Variants in GRIK2 observed in about 807,000 individuals in gnomAD.
The protein encoded by GRIK2 is glutamate receptor ionotropic, kainate 2.
Under a neutral mutation model 100.3 loss-of-function variants are expected in GRIK2, and 32 were observed. The observed-to-expected ratio is 0.32, with a 90% CI of 0.24 to 0.43. GRIK2 has a LOEUF of 0.43. GRIK2 is among the 20% of genes least tolerant of loss of function. GRIK2 has a pLI of 1.00. For missense variants in GRIK2, 843 were observed against 1,114.9 expected, an observed-to-expected ratio of 0.76 and a Z score of 3.47; for synonymous variants, 417 against 389.4, an observed-to-expected ratio of 1.07 and a Z score of -0.83.
rs868710369 is a variant in GRIK2 at position 101,760,678 on chromosome 6, A to G, written c.952-38970A>G. Among the ~76,000 whole-genome samples the G allele has an allele frequency of 8.5e-3, 721 of 84,534 alleles. 45 individuals are homozygous for G. Among genetic ancestry groups the G allele is most frequent in the African/African-American group, 0.029 (437 of 14,970 alleles). 55.5% of individuals were successfully genotyped at this position (84,534 alleles called of 152,430 possible). On this transcript the variant is annotated intron_variant, in intron 7 of 16. Coordinates refer to ENST00000369134, the MANE Select transcript of GRIK2 (RefSeq NM_021956.5). ...TATGTTTAATTATATATAATTATAT[A>G]TTTAATTATATATAATTATATATAA...
chr6:101,860,992 C>T (rs890487278), intron 11 of GRIK2: 33 of 607,180 alleles, frequency 5.4e-5, no homozygotes, highest in African/African-American at 4.0e-4. Flanking sequence ...TTCCCATACT[C>T]GGTAGGGCTC....
chr6:101,464,497 C>CTTTCTTTTT (rs1771513927), intron 2 of GRIK2, among the ~76,000 whole-genome samples: 1 of 62,012 alleles, frequency 1.6e-5, no homozygotes, highest in African/African-American at 6.2e-5. Flanking sequence ...CTTTTTCTTT[C>CTTTCTTTTT]TTTTTTTTTT....
chr6:101,432,067 C>A (rs1423949380), intron 2 of GRIK2, among the ~76,000 whole-genome samples: 1 of 151,998 alleles, frequency 6.6e-6, no homozygotes, highest in African/African-American at 2.4e-5. Flanking sequence ...AATTAAGAAC[C>A]CTGTGGCTAT....
At chr6:101,979,856 G>A (rs991725246) in intron 14 of GRIK2, among the ~76,000 whole-genome samples, 2 of 152,034 alleles carry the variant, frequency 1.3e-5, no homozygotes, top group East Asian at 2.0e-4. Flanking sequence ...AGCAGCGAGC[G>A]CTTAGTCTCT....
At chr6:101,944,100 A>G (rs1485266269) in intron 14 of GRIK2, among the ~76,000 whole-genome samples, 1 of 152,000 alleles carries the variant, frequency 6.6e-6, no homozygotes, top group Non-Finnish European at 1.5e-5. Flanking sequence ...GAGATCTGAT[A>G]ATTTTAAAGT....
At chr6:101,833,945 A>G (rs999809473) in intron 10 of GRIK2, among the ~76,000 whole-genome samples, 2 of 152,066 alleles carry the variant, frequency 1.3e-5, no homozygotes, top group Non-Finnish European at 2.9e-5. Flanking sequence ...CAGTTTTTGG[A>G]TTATGAGGTT....
intron 7 of GRIK2, among the ~76,000 whole-genome samples, chr6:101,756,336 GA>G (rs1476987446): frequency 1.0e-5 from 1 of 97,606 alleles, no homozygotes; most frequent in Non-Finnish European, 1.9e-5. Flanking sequence ...GTCCTAAACA[GA>G]ATCTGGATAA....
intron 7 of GRIK2, among the ~76,000 whole-genome samples, chr6:101,723,298 GGACAACTAAAA>G (rs1277667940): frequency 6.6e-6 from 1 of 151,760 alleles, no homozygotes; most frequent in Admixed American, 6.6e-5. Flanking sequence ...GTTCATATAT[GGACAACTAAAA>G]GACAGTGTTT....
At chr6:102,058,037 A>ACTT (rs1355773820) in intron 16 of GRIK2, among the ~76,000 whole-genome samples, 1 of 151,810 alleles carries the variant, frequency 6.6e-6, no homozygotes, top group Non-Finnish European at 1.5e-5. Flanking sequence ...TCATCTTTAT[A>ACTT]CTTAGTTTAT....
At chr6:101,716,683 G>A (rs1774092154) in intron 7 of GRIK2, among the ~76,000 whole-genome samples, 2 of 151,434 alleles carry the variant, frequency 1.3e-5, no homozygotes, top group Admixed American at 1.3e-4. Flanking sequence ...ACACCAACAT[G>A]GCACATGTAT....
chr6:101,672,886 C>T (rs1770547677), intron 4 of GRIK2, among the ~76,000 whole-genome samples: 1 of 152,118 alleles, frequency 6.6e-6, no homozygotes, highest in Non-Finnish European at 1.5e-5. Context: ...GATGAACATA[C>T]ACATGCATGT....
chr6:102,041,636 T>G (rs1384586070), intron 15 of GRIK2, among the ~76,000 whole-genome samples: 1 of 151,586 alleles, frequency 6.6e-6, no homozygotes, highest in Non-Finnish European at 1.5e-5. Flanking sequence ...GAGTCCCTAT[T>G]ACACTTAGTG....
chr6:101,464,661 C>A (rs1771544355), intron 2 of GRIK2, among the ~76,000 whole-genome samples: 1 of 151,498 alleles, frequency 6.6e-6, no homozygotes, highest in Admixed American at 6.6e-5. Flanking sequence ...GGACTACAGG[C>A]ACTCGCCACC....
At chr6:101,674,780 G>T (rs1265753298) in intron 4 of GRIK2, among the ~76,000 whole-genome samples, 1 of 152,192 alleles carries the variant, frequency 6.6e-6, no homozygotes, top group African/African-American at 2.4e-5. Flanking sequence ...GCTGTTATGT[G>T]TAGAAGCTGT....
intron 2 of GRIK2, among the ~76,000 whole-genome samples, chr6:101,484,538 TACAC>T (rs138774364): frequency 0.086 from 12,735 of 148,092 alleles, 548 homozygotes; most frequent in South Asian, 0.1. Context: ...TATATGTAAC[TACAC>T]ACACACACAC....
At chr6:101,716,749 TA>T (rs899101325) in intron 7 of GRIK2, among the ~76,000 whole-genome samples, 2 of 151,644 alleles carry the variant, frequency 1.3e-5, no homozygotes, top group African/African-American at 4.8e-5. Context: ...TAAAGAATAA[TA>T]ATAAAACAAA....
Position 101,878,293 on chromosome 6 carries a change from A to G in GRIK2, c.1525-11347A>G, listed in dbSNP as rs560233199. On this transcript the variant is annotated intron_variant, in intron 11 of 16. Coordinates refer to ENST00000369134, the MANE Select transcript of GRIK2 (RefSeq NM_021956.5). Reference sequence around the variant, plus strand: ...ATCAATAGAGTAAACAAATAAGTAAAAGTTTGCATTCTCAATGGAATCTAG... The same window carrying G: ...ATCAATAGAGTAAACAAATAAGTAAGAGTTTGCATTCTCAATGGAATCTAG... 3.3e-5 allele frequency among the ~76,000 whole-genome samples: 5 copies of G among 151,094 alleles called. No homozygotes were observed. The East Asian group carries it at 9.8e-4, about 30-fold the overall frequency.
intron 12 of GRIK2, among the ~76,000 whole-genome samples, chr6:101,892,484 C>T (rs1787171387): frequency 1.3e-5 from 2 of 151,914 alleles, no homozygotes; most frequent in African/African-American, 4.8e-5. Flanking sequence ...TCAAGTATGT[C>T]ATCCTATTTG....
chr6:101,607,618 T>A (rs596621), intron 2 of GRIK2, among the ~76,000 whole-genome samples: 37,723 of 151,864 alleles, frequency 0.25, 6,143 homozygotes, highest in Non-Finnish European at 0.37. Flanking sequence ...GCAATTTGTT[T>A]AGTAGTTTAA....
Sources: gnomAD v4.1 joint callset for allele counts (sites outside exome capture counted in the v4.1 genomes callset) on GRCh38, gnomAD v4.1.1 for gene constraint, MANE v1.5 for transcripts, NCBI Gene and HGNC (gene_info 2026-07-23, HGNC 2026-07-21) for gene names.